DOP1B: variants seen among roughly 807,000 people sequenced by gnomAD.
DOP1B encodes protein DOP1B.
In DOP1B, 174 loss-of-function variants were observed where a neutral mutation model predicts 233.5. The observed-to-expected ratio is 0.75, with a 90% CI of 0.66 to 0.85. The LOEUF (loss-of-function observed/expected upper bound fraction) is 0.85, where lower values mean the gene tolerates loss of function less well. DOP1B is among the 40% of genes least tolerant of loss of function. DOP1B has a pLI of 0.00. For missense variants in DOP1B, 2,652 were observed against 2,846.6 expected (o/e 0.93, Z 1.56); for synonymous variants, 1,190 against 1,185.6 (o/e 1.00, Z -0.08).
chr21:36,205,777 G>A (rs980115397), intron 4 of DOP1B, among the ~76,000 whole-genome samples: 3 of 151,948 alleles, frequency 2.0e-5, no homozygotes, highest in South Asian at 2.1e-4. Context: ...AGGCCGAGGC[G>A]GGGGGTTACC....
intron 2 of DOP1B, chr21:36,170,202 T>C: frequency 2.3e-6 from 1 of 433,178 alleles, no homozygotes; most frequent in Non-Finnish European, 4.3e-6. Flanking sequence ...ATTCCACCGG[T>C]AGAGCTCTCC....
intron 35 of DOP1B, among the ~76,000 whole-genome samples, chr21:36,291,812 T>C (rs1300710753): frequency 1.3e-5 from 2 of 152,142 alleles, no homozygotes; most frequent in East Asian, 3.8e-4. Context: ...ATGATTCTGC[T>C]TATATGGAAT....
chr21:36,196,487 GAC>G (rs2066291328), intron 2 of DOP1B, among the ~76,000 whole-genome samples: 1 of 150,812 alleles, frequency 6.6e-6, no homozygotes, highest in African/African-American at 2.4e-5. Context: ...CATCCTTTGT[GAC>G]AGTGTGGAAG....
intron 17 of DOP1B, among the ~76,000 whole-genome samples, chr21:36,239,084 CAA>C (rs534171087): frequency 2.0e-5 from 3 of 152,176 alleles, no homozygotes; most frequent in Non-Finnish European, 4.4e-5. Flanking sequence ...GCCTGGGTGA[CAA>C]GAGCGAAACT....
intron 2 of DOP1B, among the ~76,000 whole-genome samples, chr21:36,174,780 G>A (rs1018024860): frequency 3.3e-5 from 5 of 152,188 alleles, no homozygotes; most frequent in Non-Finnish European, 5.9e-5. Flanking sequence ...AATTATAGGC[G>A]TGAGCCACCG....
chr21:36,228,774 T>TAAATA (rs200418493), intron 13 of DOP1B, among the ~76,000 whole-genome samples: 3,016 of 140,496 alleles, frequency 0.021, 40 homozygotes, highest in Admixed American at 0.029. Flanking sequence ...TCAAAATAAA[T>TAAATA]AAATAAAATA....
At chr21:36,210,213 T>C (rs2066479427) in intron 5 of DOP1B, among the ~76,000 whole-genome samples, 1 of 152,058 alleles carries the variant, frequency 6.6e-6, no homozygotes, top group Non-Finnish European at 1.5e-5. Flanking sequence ...GCTTTAAAAA[T>C]GTCTGACTTC....
chr21:36,206,830 A>G (rs2066430778), intron 4 of DOP1B, among the ~76,000 whole-genome samples: 1 of 152,224 alleles, frequency 6.6e-6, no homozygotes, highest in Non-Finnish European at 1.5e-5. Flanking sequence ...AACCTCAGCC[A>G]TTAAATCGCC....
At chr21:36,288,865 C>T (rs954037060) in intron 34 of DOP1B, 54 bp downstream of exon 34, 5 of 1,512,798 alleles carry the variant, frequency 3.3e-6, no homozygotes, top group East Asian at 2.3e-5. Flanking sequence ...GATTAAAGCA[C>T]GTCACTTTAG....
intron 15 of DOP1B, among the ~76,000 whole-genome samples, chr21:36,234,503 A>T (rs1169062156): frequency 1.3e-5 from 2 of 151,768 alleles, no homozygotes; most frequent in Admixed American, 1.3e-4. Flanking sequence ...ATTTTCATGT[A>T]GTACATATTC....
At chr21:36,198,297 C>T (rs955678858) in intron 2 of DOP1B, among the ~76,000 whole-genome samples, 93 of 151,728 alleles carry the variant, frequency 6.1e-4, no homozygotes, top group African/African-American at 1.4e-3. Context: ...GGCATGGTGG[C>T]GGGCACCTGT....
In DOP1B at chr21:36,164,701, C is replaced by G; in HGVS notation, c.-26-7C>G. On this transcript the variant is annotated splice_polypyrimidine_tract_variant and splice_region_variant and intron_variant, in intron 1 of 36. Coordinates refer to ENST00000691173, the MANE Select transcript of DOP1B (RefSeq NM_001320714.2). ...TCTCATTTGGTTATTTTTTGATTTG[C>G]TTTTAGATACTTTTCTGCTGTGAGA... 6.5e-7 allele frequency: 1 copy of G among 1,531,360 alleles called. No individual in the cohort carries two copies. The highest frequency in any genetic ancestry group is 8.8e-7 in the Non-Finnish European group (1 of 1,140,924). 94.9% of individuals were successfully genotyped at this position (1,531,360 alleles called of 1,614,324 possible).
chr21:36,286,964 A>T (rs1379107785), intron 32 of DOP1B, among the ~76,000 whole-genome samples: 1 of 140,222 alleles, frequency 7.1e-6, no homozygotes. Flanking sequence ...ACTCCATCTC[A>T]AAAAAAAAAA....
chr21:36,216,621 A>G (rs184687292), intron 9 of DOP1B, among the ~76,000 whole-genome samples: 1 of 152,100 alleles, frequency 6.6e-6, no homozygotes, highest in African/African-American at 2.4e-5. Flanking sequence ...AAAAAAAAGA[A>G]ATTTGCTACC....
intron 24 of DOP1B, chr21:36,261,006 C>A: frequency 4.3e-6 from 5 of 1,176,308 alleles, no homozygotes; most frequent in East Asian, 4.1e-5. Flanking sequence ...CTTGGATTTG[C>A]ATTAAATTGA....
chr21:36,242,969 A>G (rs1411899604), intron 18 of DOP1B, among the ~76,000 whole-genome samples: 1 of 140,438 alleles, frequency 7.1e-6, no homozygotes, highest in African/African-American at 2.7e-5. Flanking sequence ...AGAATGACAG[A>G]TTTCTTCTTT....
Position 36,245,320 on chromosome 21 carries a change from G to T in DOP1B, c.3340G>T (p.Asp1114Tyr). ...CAGCAGCGAGCACACCGAGTCTGCA[G>T]ATACAAGCTCCTGCCACACGGACAG... ...PDSSEHTESA[D>Y]TSSCHTDSEN... The change falls in exon 19 of 37, where the codon GAT (aspartate) becomes TAT (tyrosine). Residue 1114 changes from aspartate (D) to tyrosine (Y), a missense_variant. Asp to Tyr is a radical substitution (Grantham distance 160). Coordinates refer to ENST00000691173, the MANE Select transcript of DOP1B (RefSeq NM_001320714.2). The surrounding 1 kb of genome is among the most constrained non-coding windows in gnomAD (Gnocchi z 5.5). 6.2e-7 allele frequency: 1 copy of T among 1,614,154 alleles called. No individual in the cohort carries two copies. The highest frequency in any genetic ancestry group is 8.5e-7 in the Non-Finnish European group (1 of 1,180,048).
chr21:36,257,900 TGTAG>T (rs550826157), intron 23 of DOP1B, among the ~76,000 whole-genome samples: 6 of 148,260 alleles, frequency 4.0e-5, no homozygotes, highest in Non-Finnish European at 5.9e-5. Context: ...GGTAGGTAGA[TGTAG>T]GTAGGTAGAT....
intron 24 of DOP1B, 29 bp downstream of exon 24, chr21:36,260,761 T>A: frequency 6.2e-7 from 1 of 1,613,334 alleles, no homozygotes; most frequent in South Asian, 1.1e-5. Context: ...CTCCAAAAAC[T>A]TCCTTAAATA....
Sources: gnomAD v4.1 joint callset for allele counts (sites outside exome capture counted in the v4.1 genomes callset) on GRCh38, gnomAD v4.1.1 for gene constraint, Gnocchi (gnomAD v3.1) non-coding constraint, MANE v1.5 for transcripts, NCBI Gene and HGNC (gene_info 2026-07-23, HGNC 2026-07-21) for gene names.